The following STXBP5L variants were observed in gnomAD, a reference collection of about 807,000 sequenced individuals.
The protein encoded by STXBP5L is syntaxin binding protein 5L.
A neutral mutation model predicts 144.5 loss-of-function variants in STXBP5L; 65 were observed. That is an observed-to-expected ratio of 0.45 (90% CI 0.37 to 0.55). The LOEUF is 0.55. Among genes scored for constraint, STXBP5L ranks in the 20% least tolerant of loss-of-function variants. The pLI is 0.00. For missense variants in STXBP5L, 1,298 were observed against 1,405.5 expected (o/e 0.92, Z 1.22); for synonymous variants, 505 against 469.6 (o/e 1.08, Z -0.97).
intron 20 of STXBP5L, among the ~76,000 whole-genome samples, chr3:121,325,451 G>A (rs568674214): frequency 3.0e-4 from 46 of 151,876 alleles, no homozygotes; most frequent in African/African-American, 4.8e-4. Context: ...CCTAGTGTTC[G>A]TTAATTAAAT....
chr3:121,053,310 T>C (rs1476185200), intron 5 of STXBP5L, among the ~76,000 whole-genome samples: 7 of 152,000 alleles, frequency 4.6e-5, no homozygotes, highest in African/African-American at 7.2e-5. Context: ...AAGAACAAAG[T>C]CGGAGGCATC....
chr3:120,935,885 T>C (rs1359080117), intron 2 of STXBP5L, among the ~76,000 whole-genome samples: 2 of 152,260 alleles, frequency 1.3e-5, no homozygotes, highest in Admixed American at 6.5e-5. Flanking sequence ...GAGCTGAGCT[T>C]CCTAGAATTA....
At chr3:121,068,126 C>T (rs977708993) in intron 5 of STXBP5L, among the ~76,000 whole-genome samples, 4 of 152,224 alleles carry the variant, frequency 2.6e-5, no homozygotes, top group East Asian at 1.9e-4. Context: ...ACTCCTGCCT[C>T]GGCCTCCCAA....
intron 5 of STXBP5L, among the ~76,000 whole-genome samples, chr3:121,053,708 C>T (rs1181964217): frequency 6.6e-6 from 1 of 152,156 alleles, no homozygotes; most frequent in African/African-American, 2.4e-5. Flanking sequence ...GCACCAAAAG[C>T]AATGACAACA....
intron 3 of STXBP5L, among the ~76,000 whole-genome samples, chr3:121,009,857 A>G (rs1944639326): frequency 6.6e-6 from 1 of 151,878 alleles, no homozygotes; most frequent in African/African-American, 2.4e-5. Context: ...TTTTTGAATG[A>G]TGAATGTTCC....
intron 5 of STXBP5L, among the ~76,000 whole-genome samples, chr3:121,080,503 T>C (rs1483940295): frequency 2.6e-5 from 4 of 152,222 alleles, no homozygotes; most frequent in African/African-American, 7.2e-5. Context: ...GAATTTCTTG[T>C]AGTGCTGGTG....
At chr3:121,113,649 C>T (rs528296259) in intron 5 of STXBP5L, among the ~76,000 whole-genome samples, 3 of 149,192 alleles carry the variant, frequency 2.0e-5, no homozygotes, top group South Asian at 4.3e-4. Context: ...ACTGGATGTT[C>T]ACTTTTATTC....
chr3:121,417,521 AG>A (rs2108756812), intron 25 of STXBP5L, among the ~76,000 whole-genome samples: 1 of 152,106 alleles, frequency 6.6e-6, no homozygotes, highest in African/African-American at 2.4e-5. Flanking sequence ...TTTAGAGTAA[AG>A]TGGCACAATC....
intron 21 of STXBP5L, among the ~76,000 whole-genome samples, chr3:121,379,772 A>G (rs536099010): frequency 6.6e-6 from 1 of 152,292 alleles, no homozygotes; most frequent in Admixed American, 6.5e-5. Flanking sequence ...TTGGAGCCAT[A>G]TAATATCTAG....
intron 11 of STXBP5L, among the ~76,000 whole-genome samples, chr3:121,228,753 T>G (rs1449364739): frequency 6.6e-6 from 1 of 152,124 alleles, no homozygotes; most frequent in East Asian, 1.9e-4. Flanking sequence ...GGCACACATC[T>G]GTAATCCCAG....
intron 5 of STXBP5L, among the ~76,000 whole-genome samples, chr3:121,053,005 A>G (rs557208953): frequency 6.6e-6 from 1 of 152,324 alleles, no homozygotes; most frequent in Non-Finnish European, 1.5e-5. Flanking sequence ...AATTGCTTCA[A>G]AGAGAATAAA....
intron 3 of STXBP5L, among the ~76,000 whole-genome samples, chr3:120,988,204 A>G (rs187824508): frequency 6.7e-6 from 1 of 148,966 alleles, no homozygotes; most frequent in African/African-American, 2.5e-5. Flanking sequence ...AACTTAGATT[A>G]TTGGTACTCT....
intron 20 of STXBP5L, among the ~76,000 whole-genome samples, chr3:121,339,209 A>C (rs1399539129): frequency 2.6e-5 from 4 of 152,164 alleles, no homozygotes. Flanking sequence ...CACATCAAAA[A>C]GGTAATTAAC....
intron 7 of STXBP5L, among the ~76,000 whole-genome samples, chr3:121,137,398 T>G (rs778598834): frequency 6.6e-6 from 1 of 152,160 alleles, no homozygotes; most frequent in Admixed American, 6.6e-5. Context: ...CAGACTCTTA[T>G]GAACAATTTT....
At chr3:121,066,587 T>G (rs1002171236) in intron 5 of STXBP5L, among the ~76,000 whole-genome samples, 1 of 152,212 alleles carries the variant, frequency 6.6e-6, no homozygotes, top group East Asian at 1.9e-4. Flanking sequence ...TTAGCATTAT[T>G]ATATGTGCTA....
chr3:121,215,524 A>G (rs1048930732), intron 10 of STXBP5L, among the ~76,000 whole-genome samples: 2 of 152,124 alleles, frequency 1.3e-5, no homozygotes, highest in African/African-American at 4.8e-5. Flanking sequence ...AGTGTTGAAT[A>G]TTGGCCCCAA....
chr3:121,047,694 G>T (rs184434504), intron 5 of STXBP5L, among the ~76,000 whole-genome samples: 357 of 152,184 alleles, frequency 2.3e-3, no homozygotes, highest in Non-Finnish European at 4.2e-3. Flanking sequence ...ACTGCCATTT[G>T]CTTGGTAGAT....
At chr3:121,407,645 C>A in intron 23 of STXBP5L, 42 bp downstream of exon 23, 1 of 1,610,128 alleles carries the variant, frequency 6.2e-7, no homozygotes, top group East Asian at 2.2e-5. Flanking sequence ...CACAACAATA[C>A]CAGCAAGGTA....
At chr3:121,335,834 A>C (rs2044486228) in intron 20 of STXBP5L, among the ~76,000 whole-genome samples, 1 of 152,224 alleles carries the variant, frequency 6.6e-6, no homozygotes, top group African/African-American at 2.4e-5. Context: ...CAAGCTGGGC[A>C]GTATCATTCT....
Sources: allele counts gnomAD v4.1 joint callset (sites outside exome capture counted in the v4.1 genomes callset), GRCh38; gene constraint gnomAD v4.1.1; transcripts MANE v1.5; gene names NCBI Gene and HGNC (gene_info 2026-07-23, HGNC 2026-07-21).